RBFOX1: variants seen among roughly 807,000 people sequenced by gnomAD.
RBFOX1 encodes the protein RNA binding fox-1 homolog 1, also known as RNA binding protein fox-1 homolog 1.
In RBFOX1, 8 loss-of-function variants were observed where a neutral mutation model predicts 57.7. The observed-to-expected ratio is 0.14, with a 90% CI of 0.08 to 0.25. RBFOX1 has a LOEUF of 0.25. Among genes scored for constraint, RBFOX1 ranks in the 10% least tolerant of loss-of-function variants. The pLI is 1.00. For synonymous variants in RBFOX1, 326 were observed against 222.4 expected (o/e 1.47, Z -4.15); for missense variants, 611 against 548.5 (o/e 1.11, Z -1.14).
intron 12 of RBFOX1, among the ~76,000 whole-genome samples, chr16:7,657,148 T>C (rs2066506933): frequency 6.6e-6 from 1 of 152,202 alleles, no homozygotes; most frequent in Admixed American, 6.5e-5. Flanking sequence ...CATGCATGGC[T>C]TCCACATTTT....
intron 4 of RBFOX1, among the ~76,000 whole-genome samples, chr16:5,908,699 C>T (rs944918924): frequency 1.3e-5 from 2 of 152,166 alleles, no homozygotes; most frequent in Non-Finnish European, 1.5e-5. Flanking sequence ...CTCTTAGTTT[C>T]AATTCGATGC....
chr16:5,383,543 C>G (rs970606274), intron 1 of RBFOX1, among the ~76,000 whole-genome samples: 4 of 152,212 alleles, frequency 2.6e-5, no homozygotes, highest in African/African-American at 9.6e-5. Context: ...GAGGAAACTG[C>G]TTAAACTTTC....
At chr16:6,209,861 A>T (rs577886403) in intron 1 of RBFOX1, among the ~76,000 whole-genome samples, 3 of 152,260 alleles carry the variant, frequency 2.0e-5, no homozygotes, top group Admixed American at 2.0e-4. Context: ...ATGAAGGTCT[A>T]TGCTCAGTTT....
At chr16:6,220,722 G>GT (rs1555560042) in intron 1 of RBFOX1, among the ~76,000 whole-genome samples, 1 of 13,924 alleles carries the variant, frequency 7.2e-5, no homozygotes, top group Non-Finnish European at 1.3e-3. Flanking sequence ...ATGACTAACC[G>GT]CCCCCCCCCA....
chr16:6,244,479 G>C (rs145885094), intron 1 of RBFOX1, among the ~76,000 whole-genome samples: 1 of 152,194 alleles, frequency 6.6e-6, no homozygotes, highest in East Asian at 1.9e-4. Flanking sequence ...GGGTATCCAA[G>C]TTTGGCGTGT....
chr16:6,210,492 A>G (rs1733337307), intron 1 of RBFOX1, among the ~76,000 whole-genome samples: 1 of 152,002 alleles, frequency 6.6e-6, no homozygotes, highest in Admixed American at 6.6e-5. Flanking sequence ...CACTTTAAGA[A>G]GCTGAGACAA....
At chr16:6,346,895 T>A (rs1291128092) in intron 2 of RBFOX1, among the ~76,000 whole-genome samples, 2 of 152,060 alleles carry the variant, frequency 1.3e-5, no homozygotes, top group Non-Finnish European at 2.9e-5. Flanking sequence ...GAGCACTACC[T>A]CAACAGAGTC....
At chr16:6,010,796 G>T (rs902937849) in intron 4 of RBFOX1, among the ~76,000 whole-genome samples, 1 of 152,092 alleles carries the variant, frequency 6.6e-6, no homozygotes, top group African/African-American at 2.4e-5. Flanking sequence ...TATTTATATT[G>T]CCCTCATATT....
intron 1 of RBFOX1, among the ~76,000 whole-genome samples, chr16:5,280,811 G>A (rs575936464): frequency 7.3e-4 from 110 of 151,128 alleles, no homozygotes; most frequent in Non-Finnish European, 1.4e-3. Flanking sequence ...TATTTATTTG[G>A]GTCTCCTTTC....
chr16:7,174,779 C>G (rs67477120), intron 4 of RBFOX1, among the ~76,000 whole-genome samples: 26,591 of 152,002 alleles, frequency 0.17, 3,286 homozygotes, highest in East Asian at 0.42. Flanking sequence ...GACTCAGTCT[C>G]AAAACAAACA....
At chr16:5,870,087 A>T (rs973971007) in intron 4 of RBFOX1, among the ~76,000 whole-genome samples, 2 of 150,938 alleles carry the variant, frequency 1.3e-5, no homozygotes, top group African/African-American at 4.9e-5. Context: ...TGTACCCTCC[A>T]TGATTTCATT....
chr16:5,922,650 C>A (rs757804597), intron 4 of RBFOX1, among the ~76,000 whole-genome samples: 1 of 152,230 alleles, frequency 6.6e-6, no homozygotes. Context: ...ACATCCCCAC[C>A]ATCAGTAACC....
intron 4 of RBFOX1, among the ~76,000 whole-genome samples, chr16:7,206,777 G>C (rs2090067583): frequency 6.6e-6 from 1 of 151,994 alleles, no homozygotes; most frequent in Non-Finnish European, 1.5e-5. Flanking sequence ...CCTGGCCAAG[G>C]AGAAATATGC....
intron 2 of RBFOX1, among the ~76,000 whole-genome samples, chr16:5,491,342 A>G (rs950453890): frequency 1.3e-5 from 2 of 152,152 alleles, no homozygotes; most frequent in Non-Finnish European, 2.9e-5. Context: ...TATTATCGCC[A>G]AAGGTTAATT....
rs116040906 is a variant in RBFOX1, at chr16:7,271,835, C to G, written c.27+219737C>G. Reference sequence around the variant, plus strand: ...GTTTCACTCAGGAAAAAAAAAAAATCTCAAAGCTATGGCCAAGGCAGAGGC... The same window carrying G: ...GTTTCACTCAGGAAAAAAAAAAAATGTCAAAGCTATGGCCAAGGCAGAGGC... On this transcript the variant is annotated intron_variant, in intron 4 of 15. Transcript: ENST00000550418. 4.9e-3 allele frequency among the ~76,000 whole-genome samples: 738 copies of G among 152,034 alleles called. 8 individuals are homozygous for G. Among genetic ancestry groups the G allele is most frequent in the African/African-American group, 0.017 (712 of 41,462 alleles).
intron 4 of RBFOX1, among the ~76,000 whole-genome samples, chr16:7,270,916 C>G (rs899911304): frequency 9.2e-5 from 14 of 152,090 alleles, no homozygotes; most frequent in Admixed American, 9.2e-4. Context: ...CCCTTTCCAT[C>G]ATGGTTAGGA....
intron 1 of RBFOX1, among the ~76,000 whole-genome samples, chr16:6,025,492 A>C (rs1263244527): frequency 1.3e-5 from 2 of 152,226 alleles, no homozygotes; most frequent in Admixed American, 1.3e-4. Context: ...CAAAGAGGCA[A>C]CATCATGTGT....
intron 5 of RBFOX1, among the ~76,000 whole-genome samples, chr16:7,566,098 T>G (rs1450412335): frequency 6.6e-6 from 1 of 152,172 alleles, no homozygotes; most frequent in Non-Finnish European, 1.5e-5. Context: ...AGGAAGCATT[T>G]GATATGGTGT....
At chr16:7,335,000 A>G (rs1407899348) in intron 4 of RBFOX1, among the ~76,000 whole-genome samples, 1 of 152,230 alleles carries the variant, frequency 6.6e-6, no homozygotes, top group East Asian at 1.9e-4. Context: ...CTGCTGTGGA[A>G]TGCACTGGAA....
Sources: allele counts gnomAD v4.1 joint callset (sites outside exome capture counted in the v4.1 genomes callset), GRCh38; gene constraint gnomAD v4.1.1; transcripts MANE v1.5; gene names NCBI Gene and HGNC (gene_info 2026-07-23, HGNC 2026-07-21).